POLR3B: variants seen among roughly 807,000 people sequenced by gnomAD.
POLR3B encodes DNA-directed RNA polymerase III subunit RPC2.
Under a neutral mutation model 147.4 loss-of-function variants are expected in POLR3B, and 96 were observed. That is an observed-to-expected ratio of 0.65 (90% CI 0.55 to 0.77). The LOEUF (loss-of-function observed/expected upper bound fraction) is 0.77, where lower values mean the gene tolerates loss of function less well. Among genes scored for constraint, POLR3B ranks in the 30% least tolerant of loss-of-function variants. The pLI, the probability that POLR3B is intolerant of heterozygous loss-of-function variation, is 0.00. For synonymous variants in POLR3B, 461 were observed against 485.9 expected, an observed-to-expected ratio of 0.95 and a Z score of 0.67; for missense variants, 1,036 against 1,413.5, an observed-to-expected ratio of 0.73 and a Z score of 4.28.
chr12:106,360,494 C>A (rs936320649), intron 1 of POLR3B, among the ~76,000 whole-genome samples: 1 of 152,230 alleles, frequency 6.6e-6, no homozygotes, highest in Non-Finnish European at 1.5e-5. Flanking sequence ...CTGATTCTCC[C>A]AGAAGATGGT....
Position 106,393,088 on chromosome 12 carries a change from G to T in POLR3B, c.781G>T (p.Val261Leu). ...IVQMIGTEEH[V>L]MAAFGPSLEE... ...GCAGATGATTGGAACAGAGGAGCACGTGATGGCTGCATTTGGGCCCAGTCT... is the reference window on the plus strand; with the variant it reads ...GCAGATGATTGGAACAGAGGAGCACTTGATGGCTGCATTTGGGCCCAGTCT... Residue 261 changes from valine to leucine, a missense_variant, in exon 10 of 28, where the codon GTG becomes TTG. Transcript: ENST00000228347. 6.2e-7 allele frequency: 1 copy of T among 1,614,208 alleles called. No individual in the cohort carries two copies. Among genetic ancestry groups the T allele is most frequent in the East Asian group, 2.2e-5 (1 of 44,888 alleles).
In POLR3B at chr12:106,437,094, A is replaced by G. The variant is rs758043469; in HGVS notation, c.1819A>G (p.Thr607Ala). 4 of 1,613,644 alleles carry G rather than the reference A, an allele frequency of 2.5e-6. No individual in the cohort carries two copies. Among genetic ancestry groups the G allele is most frequent in the Non-Finnish European group, 3.4e-6 (4 of 1,179,844 alleles). The part of the protein sequence containing the change: ...IIVKKQKPAV[T>A]NKHMEELAQG... ...TGTCAAGAAACAGAAGCCAGCAGTCACAAATAAACATATGGAAGAGCTGGC... is the reference window on the plus strand; with the variant it reads ...TGTCAAGAAACAGAAGCCAGCAGTCGCAAATAAACATATGGAAGAGCTGGC... Residue 607 changes from threonine to alanine, a missense_variant, in exon 17 of 28, where the codon ACA becomes GCA. By Grantham distance (58) the Thr-to-Ala change is moderately conservative. This residue lies in a region of POLR3B where 177 missense variants were observed against 232.7 expected (regional missense o/e 0.76). Coordinates refer to ENST00000228347, the MANE Select transcript of POLR3B (RefSeq NM_018082.6).
intron 12 of POLR3B, among the ~76,000 whole-genome samples, chr12:106,426,853 C>A (rs1165037140): frequency 3.7e-5 from 3 of 82,114 alleles, no homozygotes; most frequent in Admixed American, 2.3e-4. Context: ...CCCCCCCCCC[C>A]CCCGTCCTTT....
At chr12:106,376,301 G>A (rs1270575963) in intron 6 of POLR3B, 58 bp from the exon 7 acceptor site, 3 of 1,174,362 alleles carry the variant, frequency 2.6e-6, no homozygotes, top group Non-Finnish European at 2.5e-6. Context: ...TGTATTTTTT[G>A]CAGCTTTTAT....
chr12:106,419,935 A>AT (rs2037352760), intron 12 of POLR3B, among the ~76,000 whole-genome samples: 3 of 151,924 alleles, frequency 2.0e-5, no homozygotes, highest in Non-Finnish European at 4.4e-5. Flanking sequence ...GTGGGTCAAG[A>AT]ATTCAGGCAG....
chr12:106,407,836 A>T (rs1011041889), intron 11 of POLR3B, among the ~76,000 whole-genome samples: 1 of 152,210 alleles, frequency 6.6e-6, no homozygotes, highest in Admixed American at 6.5e-5. Context: ...ACTCAAAAAA[A>T]AAAAATCATT....
At chr12:106,495,674 G>A (rs1417900707) in intron 23 of POLR3B, among the ~76,000 whole-genome samples, 1 of 152,208 alleles carries the variant, frequency 6.6e-6, no homozygotes, top group Non-Finnish European at 1.5e-5. Flanking sequence ...GTAGAACCCA[G>A]GAGATCACGA....
chr12:106,436,664 A>G lies in POLR3B; in HGVS notation c.1782-393A>G, dbSNP rs573731719. Among the ~76,000 whole-genome samples, 374 of 152,328 alleles carry G rather than the reference A, an allele frequency of 2.5e-3. 4 individuals are homozygous for G. The highest frequency in any genetic ancestry group is 4.4e-3 in the Non-Finnish European group (300 of 68,024). On this transcript the variant is annotated intron_variant, in intron 16 of 27. Transcript: ENST00000228347. ...AAAATTTTCCAATGTGAAATCGGGA[A>G]GTTTTTAGATTGATACATTACACCG...
intron 11 of POLR3B, 108 bp downstream of exon 11, chr12:106,406,084 A>G (rs2037147550): frequency 1.7e-6 from 2 of 1,202,768 alleles, no homozygotes; most frequent in Admixed American, 1.9e-5. Context: ...CTCAAGAGAA[A>G]ATTCTAAAGA....
chr12:106,506,327 G>T (rs1057450876), intron 27 of POLR3B, among the ~76,000 whole-genome samples: 2 of 152,008 alleles, frequency 1.3e-5, no homozygotes, highest in African/African-American at 4.8e-5. Context: ...GAAGAATCAC[G>T]TCATTAAAAA....
chr12:106,358,968 A>G (rs1271839673), intron 1 of POLR3B, among the ~76,000 whole-genome samples: 1 of 152,206 alleles, frequency 6.6e-6, no homozygotes, highest in Non-Finnish European at 1.5e-5. Context: ...CTGTAATACC[A>G]GTAGTTTGGG....
chr12:106,375,265 A>G (rs1166518744), intron 6 of POLR3B, among the ~76,000 whole-genome samples: 1 of 152,100 alleles, frequency 6.6e-6, no homozygotes. Context: ...TTTAAACCTT[A>G]TCTCTAATTT....
intron 23 of POLR3B, among the ~76,000 whole-genome samples, chr12:106,472,917 T>G (rs1403518455): frequency 5.1e-5 from 7 of 138,152 alleles, no homozygotes; most frequent in Admixed American, 1.4e-4. Flanking sequence ...CTTTTGGTGT[T>G]TTGGACATGA....
intron 6 of POLR3B, 53 bp from the exon 7 acceptor site, chr12:106,376,306 T>G (rs371974418): frequency 1.6e-6 from 2 of 1,269,720 alleles, no homozygotes; most frequent in South Asian, 1.2e-5. Context: ...TTTTTGCAGC[T>G]TTTATCATTG....
At chr12:106,474,817 C>T (rs994428180) in intron 23 of POLR3B, among the ~76,000 whole-genome samples, 9 of 151,960 alleles carry the variant, frequency 5.9e-5, no homozygotes, top group African/African-American at 2.2e-4. Flanking sequence ...AAAAAACCAG[C>T]TCCTGGATCC....
At position 106,501,343 on chromosome 12, in the gene POLR3B, T is replaced by C. The variant is rs2038598006; in HGVS notation, c.3005T>C (p.Ile1002Thr). 1.2e-6 allele frequency: 2 copies of C among 1,611,084 alleles called. No individual in the cohort carries two copies. Among genetic ancestry groups the C allele is most frequent in the Middle Eastern group, 3.3e-4 (2 of 6,060 alleles). Residue 1002 changes from isoleucine (I) to threonine (T), a missense_variant, in exon 26 of 28, where the codon ATC becomes ACC. Physicochemically the swap from Ile to Thr is moderately conservative, Grantham distance 89 (BLOSUM62 -1). Coordinates refer to ENST00000228347, the MANE Select transcript of POLR3B (RefSeq NM_018082.6). ...GITGEPLEAY[I>T]YFGPVYYQKL... ...TTCAGTGAGCCCTTAGAAGCATACA[T>C]CTATTTTGGCCCCGTGTACTATCAG...
chr12:106,460,435 A>G (rs1238611964), intron 22 of POLR3B, among the ~76,000 whole-genome samples: 1 of 152,246 alleles, frequency 6.6e-6, no homozygotes, highest in Middle Eastern at 3.2e-3. Flanking sequence ...ACACAGCAAT[A>G]AAGGGCAGCA....
chr12:106,397,616 T>TTA (rs1349341533), intron 10 of POLR3B, among the ~76,000 whole-genome samples: 1 of 152,262 alleles, frequency 6.6e-6, no homozygotes, highest in Non-Finnish European at 1.5e-5. Flanking sequence ...TTTGCTGAGC[T>TTA]TATTGTCTAA....
chr12:106,487,901 C>G (rs2038361689), intron 23 of POLR3B, among the ~76,000 whole-genome samples: 1 of 152,102 alleles, frequency 6.6e-6, no homozygotes, highest in Admixed American at 6.6e-5. Flanking sequence ...GAATCAACAT[C>G]AGTGCTGCAT....
Sources: gnomAD v4.1 joint callset for allele counts (sites outside exome capture counted in the v4.1 genomes callset) on GRCh38, gnomAD v4.1.1 for gene constraint, gnomAD v4.1.1 regional missense constraint, MANE v1.5 for transcripts, NCBI Gene and HGNC (gene_info 2026-07-23, HGNC 2026-07-21) for gene names.